Variants in MYO1E observed in about 807,000 individuals in gnomAD.
The protein encoded by MYO1E is unconventional myosin-Ie.
A neutral mutation model predicts 151.1 loss-of-function variants in MYO1E; 68 were observed. The observed-to-expected ratio is 0.45, with a 90% CI of 0.37 to 0.55. The LOEUF is 0.55. MYO1E is among the 20% of genes least tolerant of loss of function. MYO1E has a pLI of 0.00. For missense variants in MYO1E, 1,363 were observed against 1,389.3 expected (o/e 0.98, Z 0.30); for synonymous variants, 601 against 501.7 (o/e 1.20, Z -2.64).
rs545173658 is a variant in MYO1E at position 59,229,059 on chromosome 15, G to A, written c.511-1469C>T. On this transcript the variant is annotated intron_variant, in intron 6 of 27. Coordinates refer to ENST00000288235, the MANE Select transcript of MYO1E (RefSeq NM_004998.4). ...AAGCTCACTGAAAGAGAGCTCCCGT[G>A]CTTCCTTTGGCGGCCACCTTCACCA... Among the ~76,000 whole-genome samples the A allele has an allele frequency of 2.0e-5, 3 of 152,290 alleles. No homozygotes were observed. The East Asian group carries it at 5.8e-4, about 29-fold the overall frequency.
intron 1 of MYO1E, among the ~76,000 whole-genome samples, chr15:59,281,482 C>A (rs937738745): frequency 6.6e-6 from 1 of 151,864 alleles, no homozygotes; most frequent in African/African-American, 2.4e-5. Flanking sequence ...CACTATGTTG[C>A]CCAGGCTGGT....
chr15:59,369,705 T>G (rs895201258), intron 1 of MYO1E, among the ~76,000 whole-genome samples: 2 of 152,178 alleles, frequency 1.3e-5, no homozygotes, highest in Non-Finnish European at 1.5e-5. Context: ...GATAGAAAAG[T>G]GTCCCAAAGT....
chr15:59,258,861 G>GA (rs765255975), intron 3 of MYO1E, among the ~76,000 whole-genome samples: 200 of 125,054 alleles, frequency 1.6e-3, no homozygotes, highest in Middle Eastern at 8.4e-3. Context: ...TGTTTCAAAA[G>GA]AAAAAAAAAA....
At chr15:59,340,749 C>A (rs1196687544) in intron 1 of MYO1E, among the ~76,000 whole-genome samples, 2 of 152,018 alleles carry the variant, frequency 1.3e-5, no homozygotes, top group Non-Finnish European at 2.9e-5. Context: ...TTCAGCCAGG[C>A]ATGGTGGCTC....
chr15:59,249,326 G>C (rs1173857219), intron 4 of MYO1E, among the ~76,000 whole-genome samples: 1 of 151,670 alleles, frequency 6.6e-6, no homozygotes. Context: ...TCAGAAGGCT[G>C]AGGCAAGAAA....
chr15:59,258,519 T>C (rs576387941), intron 3 of MYO1E, among the ~76,000 whole-genome samples: 19 of 152,354 alleles, frequency 1.2e-4, no homozygotes, highest in African/African-American at 4.6e-4. Context: ...GGTTATAGTT[T>C]GTTTATACAT....
chr15:59,235,209 A>C (rs941593318), intron 5 of MYO1E, among the ~76,000 whole-genome samples: 1 of 151,926 alleles, frequency 6.6e-6, no homozygotes, highest in African/African-American at 2.4e-5. Flanking sequence ...AATTTTTATA[A>C]GTTTCTTGAA....
At chr15:59,216,676 A>G (rs1450464422) in intron 10 of MYO1E, among the ~76,000 whole-genome samples, 200 of 7,668 alleles carry the variant, frequency 0.026, 12 homozygotes, top group African/African-American at 0.038. Context: ...GTATATATAT[A>G]TATATATATA....
intron 1 of MYO1E, among the ~76,000 whole-genome samples, chr15:59,283,264 T>C (rs903027640): frequency 2.6e-5 from 4 of 152,078 alleles, no homozygotes; most frequent in African/African-American, 7.2e-5. Flanking sequence ...TTTCTGTGCA[T>C]ACCATGCTGT....
intron 13 of MYO1E, 22 bp from the exon 14 acceptor site, chr15:59,208,870 G>C: frequency 6.2e-7 from 1 of 1,613,778 alleles, no homozygotes; most frequent in Non-Finnish European, 8.5e-7. Flanking sequence ...AAGAAGGCAA[G>C]GCCCTAGTCA....
At chr15:59,166,446 T>G (rs1477525850) in intron 22 of MYO1E, among the ~76,000 whole-genome samples, 1 of 152,206 alleles carries the variant, frequency 6.6e-6, no homozygotes, top group Non-Finnish European at 1.5e-5. Flanking sequence ...CGGCTTACTG[T>G]TGTATTGCTG....
chr15:59,163,829 A>G (rs1207360059), intron 22 of MYO1E, among the ~76,000 whole-genome samples: 1 of 152,244 alleles, frequency 6.6e-6, no homozygotes, highest in Non-Finnish European at 1.5e-5. Context: ...TCTGGCAAAC[A>G]GTGCTCTGTG....
At chr15:59,302,749 G>A (rs1007558580) in intron 1 of MYO1E, among the ~76,000 whole-genome samples, 5 of 147,702 alleles carry the variant, frequency 3.4e-5, no homozygotes, top group Non-Finnish European at 7.4e-5. Context: ...AAAATGAGGT[G>A]TAAAGTAATA....
chr15:59,187,727 C>T (rs556468650), intron 18 of MYO1E, among the ~76,000 whole-genome samples: 1 of 152,256 alleles, frequency 6.6e-6, no homozygotes, highest in African/African-American at 2.4e-5. Flanking sequence ...TATATCCACA[C>T]AATGGAATAT....
intron 1 of MYO1E, among the ~76,000 whole-genome samples, chr15:59,323,839 C>A (rs770489984): frequency 6.6e-6 from 1 of 151,804 alleles, no homozygotes; most frequent in Admixed American, 6.6e-5. Context: ...TCTGGCTGCC[C>A]ATAAGAGCCC....
intron 1 of MYO1E, among the ~76,000 whole-genome samples, chr15:59,278,636 T>G (rs1296202624): frequency 6.6e-6 from 1 of 152,154 alleles, no homozygotes; most frequent in Non-Finnish European, 1.5e-5. Context: ...ATTTTGGTGA[T>G]GGGAAGATGT....
At chr15:59,248,413 G>C (rs529783975) in intron 4 of MYO1E, among the ~76,000 whole-genome samples, 2 of 146,812 alleles carry the variant, frequency 1.4e-5, no homozygotes, top group Admixed American at 1.4e-4. Context: ...TTGAACCCGG[G>C]GGGATGGAGG....
chr15:59,293,825 T>G (rs1383801155), intron 1 of MYO1E, among the ~76,000 whole-genome samples: 1 of 152,148 alleles, frequency 6.6e-6, no homozygotes, highest in Non-Finnish European at 1.5e-5. Context: ...GGTGGATCAC[T>G]TGAGCCTAGG....
At position 59,138,179 on chromosome 15, in the gene MYO1E, C is replaced by T. The variant is rs1430418445; in HGVS notation, c.3250+19G>A. On this transcript the variant is annotated intron_variant, in intron 27 of 27. Coordinates refer to ENST00000288235, the MANE Select transcript of MYO1E (RefSeq NM_004998.4). ...ATGCTCTTTGGGAGGCTGTCCCAGC[C>T]AACCAGCCACACACTTACCTTCTTT... The T allele has an allele frequency of 1.9e-6, 3 of 1,613,726 alleles. No individual in the cohort carries two copies. The Admixed American group carries it at 5.0e-5, about 27-fold the overall frequency.
Sources: allele counts gnomAD v4.1 joint callset (sites outside exome capture counted in the v4.1 genomes callset), GRCh38; gene constraint gnomAD v4.1.1; transcripts MANE v1.5; gene names NCBI Gene and HGNC (gene_info 2026-07-23, HGNC 2026-07-21).